The following ATP8A2 variants were observed in gnomAD, a reference collection of about 807,000 sequenced individuals.
The protein encoded by ATP8A2 is ATPase phospholipid transporting 8A2.
ATP8A2 carries 100 observed loss-of-function variants against 165.6 expected under a neutral mutation model. That is an observed-to-expected ratio of 0.60 (90% CI 0.51 to 0.71). ATP8A2 has a LOEUF of 0.71. ATP8A2 is among the 30% of genes least tolerant of loss of function. The pLI, the probability that ATP8A2 is intolerant of heterozygous loss-of-function variation, is 0.00. For missense variants in ATP8A2, 1,227 were observed against 1,479.5 expected (o/e 0.83, Z 2.80); for synonymous variants, 543 against 548.8 (o/e 0.99, Z 0.15).
intron 25 of ATP8A2, among the ~76,000 whole-genome samples, chr13:25,711,742 G>T (rs1169670451): frequency 6.6e-6 from 1 of 152,176 alleles, no homozygotes; most frequent in Non-Finnish European, 1.5e-5. Context: ...TGAATTTCCA[G>T]ATTCTCTGGA....
At chr13:25,749,483 G>A (rs1405087582) in intron 25 of ATP8A2, among the ~76,000 whole-genome samples, 1 of 152,146 alleles carries the variant, frequency 6.6e-6, no homozygotes, top group East Asian at 1.9e-4. Context: ...GAAAAGCAGA[G>A]CAGTGGGAAT....
At chr13:25,404,992 G>A (rs1392207771) in intron 1 of ATP8A2, among the ~76,000 whole-genome samples, 3 of 152,170 alleles carry the variant, frequency 2.0e-5, no homozygotes, top group Non-Finnish European at 4.4e-5. Context: ...TGGCCAGAGC[G>A]CTGGGGGAAA....
chr13:25,567,303 C>G (rs1335265364), intron 16 of ATP8A2: 1 of 456,552 alleles, frequency 2.2e-6, no homozygotes, highest in Admixed American at 2.4e-5. Flanking sequence ...TAATACCTCT[C>G]CCATTGCCTT....
chr13:25,896,826 G>A (rs554408748), intron 33 of ATP8A2, among the ~76,000 whole-genome samples: 1 of 152,192 alleles, frequency 6.6e-6, no homozygotes, highest in East Asian at 1.9e-4. Context: ...TTGGTTTAAA[G>A]TCTGTTTTAT....
At chr13:25,970,544 G>C (rs1202160920) in intron 35 of ATP8A2, among the ~76,000 whole-genome samples, 3 of 152,256 alleles carry the variant, frequency 2.0e-5, no homozygotes, top group Non-Finnish European at 2.9e-5. Flanking sequence ...ACCTGCGTTT[G>C]AATTCTGGCT....
rs10450865 is a variant in ATP8A2 at position 25,406,731 on chromosome 13, G to A, written c.76+34443G>A. The stretch of plus-strand genomic sequence containing the variant: ...CCTCCTGGGGATCCACCTCACTTCC[G>A]GAAGGCCAGCTCTTGAGTAGGGATT... On this transcript the variant is annotated intron_variant, in intron 1 of 36. Coordinates refer to ENST00000381655, the MANE Select transcript of ATP8A2 (RefSeq NM_016529.6). Among the ~76,000 whole-genome samples, 32 of 152,280 alleles carry A rather than the reference G, an allele frequency of 2.1e-4. No homozygotes were observed. In the East Asian group the frequency reaches 2.9e-3, roughly 14 times the overall value.
chr13:25,601,566 G>A (rs1447136194), intron 24 of ATP8A2, among the ~76,000 whole-genome samples: 5 of 152,324 alleles, frequency 3.3e-5, no homozygotes, highest in South Asian at 2.1e-4. Flanking sequence ...CTGGGTTCAC[G>A]TGATTCTCCT....
intron 33 of ATP8A2, among the ~76,000 whole-genome samples, chr13:25,865,803 A>C (rs1014261647): frequency 2.6e-5 from 4 of 152,146 alleles, no homozygotes; most frequent in African/African-American, 9.7e-5. Flanking sequence ...TTTAAGGGGC[A>C]TCCTGTTTTT....
At position 26,018,897 on chromosome 13, in the gene ATP8A2, A is replaced by G. The variant is rs1357965612; in HGVS notation, c.3470-991A>G. Among the ~76,000 whole-genome samples, 4 of 152,240 alleles carry G rather than the reference A, an allele frequency of 2.6e-5. No individual in the cohort carries two copies. In the East Asian group the frequency reaches 7.7e-4, roughly 29 times the overall value. ...TTAAATGAGCTTTATTTTATAGCACAGTGTCTTAGACACATGGCATTTAAT... is the reference window on the plus strand; with the variant it reads ...TTAAATGAGCTTTATTTTATAGCACGGTGTCTTAGACACATGGCATTTAAT... On this transcript the variant is annotated intron_variant, in intron 36 of 36. Coordinates refer to ENST00000381655, the MANE Select transcript of ATP8A2 (RefSeq NM_016529.6).
At chr13:25,402,613 A>G (rs2033672593) in intron 1 of ATP8A2, among the ~76,000 whole-genome samples, 1 of 152,178 alleles carries the variant, frequency 6.6e-6, no homozygotes, top group Non-Finnish European at 1.5e-5. Context: ...ACTGGGCTCC[A>G]GTGAAAAAGC....
intron 2 of ATP8A2, among the ~76,000 whole-genome samples, chr13:25,479,986 C>G (rs541624506): frequency 6.6e-6 from 1 of 152,206 alleles, no homozygotes; most frequent in Non-Finnish European, 1.5e-5. Context: ...CATCATGGCC[C>G]GTTCTCAATG....
intron 25 of ATP8A2, among the ~76,000 whole-genome samples, chr13:25,728,866 G>T (rs2043553386): frequency 6.6e-6 from 1 of 152,166 alleles, no homozygotes; most frequent in South Asian, 2.1e-4. Context: ...GCCCGAAACT[G>T]CTGTGCTTTT....
intron 29 of ATP8A2, among the ~76,000 whole-genome samples, chr13:25,838,563 ATTTTT>A (rs538099896): frequency 8.0e-4 from 116 of 145,562 alleles, no homozygotes; most frequent in Non-Finnish European, 1.4e-3. Flanking sequence ...ACTTTGAAGA[ATTTTT>A]TTTTTTTTTT....
chr13:25,471,323 C>G (rs1262258874), intron 2 of ATP8A2, among the ~76,000 whole-genome samples: 1 of 147,982 alleles, frequency 6.8e-6, no homozygotes, highest in African/African-American at 2.5e-5. Flanking sequence ...TTGTTTTTGT[C>G]TAAATTCTTT....
intron 27 of ATP8A2, among the ~76,000 whole-genome samples, chr13:25,787,353 T>C (rs189550225): frequency 1.4e-3 from 210 of 152,356 alleles, no homozygotes; most frequent in African/African-American, 4.0e-3. Flanking sequence ...CTACTCAATA[T>C]AATGCATCTG....
At chr13:25,906,943 A>G (rs1953955128) in intron 33 of ATP8A2, among the ~76,000 whole-genome samples, 1 of 152,232 alleles carries the variant, frequency 6.6e-6, no homozygotes, top group East Asian at 1.9e-4. Flanking sequence ...GATAGCTTTG[A>G]AAAGAAGCTA....
intron 27 of ATP8A2, among the ~76,000 whole-genome samples, chr13:25,826,248 T>C (rs1951310254): frequency 6.6e-6 from 1 of 152,068 alleles, no homozygotes; most frequent in Admixed American, 6.6e-5. Flanking sequence ...AAATAAAAAG[T>C]TTTAAAGGAA....
intron 27 of ATP8A2, among the ~76,000 whole-genome samples, chr13:25,803,008 T>G (rs1015994725): frequency 1.3e-4 from 20 of 151,796 alleles, no homozygotes; most frequent in African/African-American, 4.8e-4. Context: ...TGTGAAAAAC[T>G]GGAGAATTTT....
Position 25,837,304 on chromosome 13 carries a change from CA to C in ATP8A2, c.2877+20del. Reference sequence around the variant, plus strand: ...CACAAAGGTAAACAGAGTGTGATCTCAGAACTGTCACCTCAGAAAGGCGTGG... The same window carrying C: ...CACAAAGGTAAACAGAGTGTGATCTCGAACTGTCACCTCAGAAAGGCGTGG... On this transcript the variant is annotated intron_variant, in intron 29 of 36. Transcript: ENST00000381655. 1.2e-6 allele frequency: 2 copies of C among 1,613,066 alleles called. No individual in the cohort carries two copies. Among genetic ancestry groups the C allele is most frequent in the Non-Finnish European group, 1.7e-6 (2 of 1,179,286 alleles).
Sources: allele counts gnomAD v4.1 joint callset (sites outside exome capture counted in the v4.1 genomes callset), GRCh38; gene constraint gnomAD v4.1.1; transcripts MANE v1.5; gene names NCBI Gene and HGNC (gene_info 2026-07-23, HGNC 2026-07-21).